CCDC178: variants seen among roughly 807,000 people sequenced by gnomAD.
CCDC178 encodes the protein coiled-coil domain containing 178.
A neutral mutation model predicts 117.4 loss-of-function variants in CCDC178; 126 were observed. The ratio of observed to expected loss-of-function variants is 1.07; its 90% CI spans 0.93 to 1.24. CCDC178 has a LOEUF of 1.24. CCDC178 is among the 50% of genes most tolerant of loss of function. CCDC178 has a pLI of 0.00. For synonymous variants in CCDC178, 283 were observed against 313.4 expected (o/e 0.90, Z 1.02); for missense variants, 1,030 against 986.9 (o/e 1.04, Z -0.59).
chr18:33,388,537 T>TTTTTTTTTTTTTTTA (rs2063524675), intron 5 of CCDC178, among the ~76,000 whole-genome samples: 2 of 115,850 alleles, frequency 1.7e-5, no homozygotes, highest in South Asian at 3.4e-4. Flanking sequence ...TTTTTTTTTT[T>TTTTTTTTTTTTTTTA]GAGACGGAGT....
At chr18:33,098,236 G>T (rs899807341) in intron 20 of CCDC178, among the ~76,000 whole-genome samples, 1 of 152,090 alleles carries the variant, frequency 6.6e-6, no homozygotes, top group African/African-American at 2.4e-5. Flanking sequence ...AAGTGAAATA[G>T]CTGTTTACAA....
chr18:33,041,041 T>C (rs1231034871), intron 21 of CCDC178, among the ~76,000 whole-genome samples: 1 of 151,906 alleles, frequency 6.6e-6, no homozygotes, highest in Non-Finnish European at 1.5e-5. Context: ...ACAATAATAA[T>C]TGGTAATAGG....
At chr18:33,068,133 G>A (rs111980847) in intron 21 of CCDC178, among the ~76,000 whole-genome samples, 3,692 of 151,936 alleles carry the variant, frequency 0.024, 71 homozygotes, top group East Asian at 0.1. Flanking sequence ...AATAGAAAAC[G>A]TGAACAGATC....
At chr18:33,379,164 C>CAT (rs1272948476) in intron 5 of CCDC178, among the ~76,000 whole-genome samples, 85 of 128,082 alleles carry the variant, frequency 6.6e-4, no homozygotes, top group African/African-American at 2.4e-3. Context: ...TATATATTTC[C>CAT]ATATATATAA....
chr18:33,148,456 A>G (rs1213908261), intron 20 of CCDC178, among the ~76,000 whole-genome samples: 1 of 150,368 alleles, frequency 6.7e-6, no homozygotes, highest in Non-Finnish European at 1.5e-5. Flanking sequence ...GGAGAGGGAG[A>G]GGGAGACCGT....
intron 4 of CCDC178, among the ~76,000 whole-genome samples, chr18:33,392,112 G>T (rs781395362): frequency 3.9e-5 from 6 of 151,990 alleles, no homozygotes; most frequent in Non-Finnish European, 5.9e-5. Context: ...TGATCCGCCC[G>T]CCTTGGCCTC....
intron 21 of CCDC178, among the ~76,000 whole-genome samples, chr18:33,045,108 G>T (rs2056618119): frequency 6.6e-6 from 1 of 151,978 alleles, no homozygotes; most frequent in East Asian, 1.9e-4. Context: ...TCACCATGGT[G>T]CATGTAAGAA....
At chr18:33,124,944 A>G (rs16964286) in intron 20 of CCDC178, among the ~76,000 whole-genome samples, 9,206 of 152,264 alleles carry the variant, frequency 0.06, 448 homozygotes, top group African/African-American at 0.13. Flanking sequence ...GATTTCTGAG[A>G]CATGGTCCCT....
intron 20 of CCDC178, among the ~76,000 whole-genome samples, chr18:33,198,472 C>G (rs2058958393): frequency 6.6e-6 from 1 of 152,094 alleles, no homozygotes; most frequent in South Asian, 2.1e-4. Flanking sequence ...GAAAGCAGGA[C>G]AAGGTGACCT....
chr18:33,338,146 G>T (rs886615880), intron 9 of CCDC178, among the ~76,000 whole-genome samples: 1 of 152,018 alleles, frequency 6.6e-6, no homozygotes, highest in East Asian at 1.9e-4. Context: ...CAAACATATG[G>T]AAAAATGTTC....
At chr18:32,942,275 A>T (rs915213894) in intron 22 of CCDC178, among the ~76,000 whole-genome samples, 1 of 152,142 alleles carries the variant, frequency 6.6e-6, no homozygotes, top group Non-Finnish European at 1.5e-5. Context: ...ATCGCCATAC[A>T]TGTCCTGGGA....
rs374444563 is a variant in CCDC178, at chr18:33,324,110, G to A, written c.880-477C>T. On this transcript the variant is annotated intron_variant, in intron 10 of 22. Transcript: ENST00000383096. Reference sequence around the variant, plus strand: ...TTCAGTTTTTACTCTTTTTACTAATGAACAAACATCATACTAATCTCCTCT... The same window carrying A: ...TTCAGTTTTTACTCTTTTTACTAATAAACAAACATCATACTAATCTCCTCT... Among the ~76,000 whole-genome samples the A allele has an allele frequency of 8.6e-5, 13 of 151,772 alleles. No homozygotes were observed. In the East Asian group the frequency reaches 1.9e-3, roughly 23 times the overall value.
chr18:33,320,657 T>C (rs999279261), intron 11 of CCDC178, among the ~76,000 whole-genome samples: 14 of 152,170 alleles, frequency 9.2e-5, no homozygotes, highest in Non-Finnish European at 2.1e-4. Flanking sequence ...AAAATGGCCA[T>C]ACTGCCCAAG....
At chr18:33,264,732 TGTG>T in intron 14 of CCDC178, among the ~76,000 whole-genome samples, 1 of 152,150 alleles carries the variant, frequency 6.6e-6, no homozygotes, top group East Asian at 1.9e-4. Flanking sequence ...GACTTGGCCA[TGTG>T]ACTTGCTTTG....
intron 12 of CCDC178, among the ~76,000 whole-genome samples, chr18:33,283,304 T>G (rs2060048204): frequency 6.6e-6 from 1 of 151,686 alleles, no homozygotes; most frequent in Non-Finnish European, 1.5e-5. Flanking sequence ...ACCCCCAAAG[T>G]CATCAACAGG....
intron 11 of CCDC178, among the ~76,000 whole-genome samples, chr18:33,322,835 T>TA (rs2062531294): frequency 6.6e-6 from 1 of 151,404 alleles, no homozygotes; most frequent in Non-Finnish European, 1.5e-5. Flanking sequence ...TAATTTTGCT[T>TA]ATATGTATAT....
chr18:33,147,898 G>T (rs1476674798), intron 20 of CCDC178, among the ~76,000 whole-genome samples: 1 of 152,214 alleles, frequency 6.6e-6, no homozygotes, highest in Non-Finnish European at 1.5e-5. Flanking sequence ...CCCAGACGGG[G>T]TGGCTGCCGG....
Position 33,112,735 on chromosome 18 carries a change from G to C in CCDC178, c.2239-19825C>G, listed in dbSNP as rs546580923. ...AATTGGGGGAACAAGATCAGCACTT[G>C]GGCTCCAATCATCTTCCCTATTATT... On this transcript the variant is annotated intron_variant, in intron 20 of 22. Coordinates refer to ENST00000383096, the MANE Select transcript of CCDC178 (RefSeq NM_001105528.4). 3.2e-4 allele frequency among the ~76,000 whole-genome samples: 49 copies of C among 151,882 alleles called. 1 individual carries two copies. The highest frequency in any genetic ancestry group is 9.2e-4 in the African/African-American group (38 of 41,502).
At chr18:33,026,524 A>G (rs886287118) in intron 21 of CCDC178, among the ~76,000 whole-genome samples, 8 of 152,080 alleles carry the variant, frequency 5.3e-5, no homozygotes, top group African/African-American at 1.2e-4. Flanking sequence ...TGAGGTTTTT[A>G]GAATAGAAAA....
Sources: gnomAD v4.1 joint callset for allele counts (sites outside exome capture counted in the v4.1 genomes callset) on GRCh38, gnomAD v4.1.1 for gene constraint, MANE v1.5 for transcripts, NCBI Gene and HGNC (gene_info 2026-07-23, HGNC 2026-07-21) for gene names.